PRELID2: variants seen among roughly 807,000 people sequenced by gnomAD.
PRELID2 encodes PRELI domain containing 2.
PRELID2 carries 25 observed loss-of-function variants against 28.4 expected under a neutral mutation model. The observed-to-expected ratio is 0.88, with a 90% CI of 0.64 to 1.23. The LOEUF (loss-of-function observed/expected upper bound fraction) is 1.23, where lower values mean the gene tolerates loss of function less well. Among genes scored for constraint, PRELID2 ranks in the 50% most tolerant of loss-of-function variants. PRELID2 has a pLI of 0.00. For synonymous variants in PRELID2, 76 were observed against 71.6 expected (o/e 1.06, Z -0.31); for missense variants, 201 against 214.4 (o/e 0.94, Z 0.39).
At chr5:145,286,252 G>A in the PRELID2 span, among the ~76,000 whole-genome samples, 5 of 152,070 alleles carry the variant, frequency 3.3e-5, no homozygotes, top group African/African-American at 1.2e-4. Flanking sequence ...GTTAGGAAAG[G>A]GTGGAACTGG....
chr5:145,519,235 A>T (rs761981413), intron 1 of PRELID2, among the ~76,000 whole-genome samples: 3 of 152,204 alleles, frequency 2.0e-5, no homozygotes, highest in Non-Finnish European at 4.4e-5. Context: ...ACTTGTCCTT[A>T]TAAATAAATT....
At chr5:145,293,314 C>T in the PRELID2 span, among the ~76,000 whole-genome samples, 5 of 152,236 alleles carry the variant, frequency 3.3e-5, no homozygotes, top group East Asian at 1.9e-4. Flanking sequence ...CAAATTATCT[C>T]ATAACAATAA....
chr5:145,592,679 T>C (rs1753249055), intron 1 of PRELID2, among the ~76,000 whole-genome samples: 1 of 152,156 alleles, frequency 6.6e-6, no homozygotes, highest in South Asian at 2.1e-4. Flanking sequence ...ACAAAGTAAA[T>C]AGAGCTGAGA....
At chr5:145,530,173 G>C (rs897144247) in intron 1 of PRELID2, among the ~76,000 whole-genome samples, 1 of 152,092 alleles carries the variant, frequency 6.6e-6, no homozygotes, top group East Asian at 1.9e-4. Context: ...CTGACTCCTA[G>C]TCCAATGCCC....
chr5:145,717,680 A>T (rs1004836360), intron 1 of PRELID2, among the ~76,000 whole-genome samples: 8 of 150,928 alleles, frequency 5.3e-5, no homozygotes, highest in Non-Finnish European at 1.2e-4. Context: ...AATTAGATTT[A>T]AAATAATTAT....
chr5:145,562,981 A>T (rs1212970131), intron 1 of PRELID2, among the ~76,000 whole-genome samples: 1 of 152,218 alleles, frequency 6.6e-6, no homozygotes, highest in Non-Finnish European at 1.5e-5. Context: ...GCATTCATGG[A>T]TATTTCCCGT....
chr5:145,678,748 T>C (rs1248737334), intron 1 of PRELID2, among the ~76,000 whole-genome samples: 1 of 152,168 alleles, frequency 6.6e-6, no homozygotes, highest in Admixed American at 6.5e-5. Flanking sequence ...CGAGCCTTAA[T>C]GTCCTATCTG....
At chr5:145,442,729 C>A in the PRELID2 span, among the ~76,000 whole-genome samples, 1 of 151,978 alleles carries the variant, frequency 6.6e-6, no homozygotes, top group African/African-American at 2.4e-5. Context: ...TAAGAATTTA[C>A]AATATAGCGT....
Position 145,561,214 on chromosome 5 carries a change from T to A in PRELID2, n.71-87899A>T, listed in dbSNP as rs569081232. ...CTACTTAGTATTTTGACTCATAATT[T>A]CCAGAGAAAATTCTTTGAATGCAAA... is the stretch of plus-strand genomic sequence containing the variant. On this transcript the variant is annotated intron_variant and non_coding_transcript_variant, in intron 1 of 2. Coordinates refer to the PRELID2 transcript ENST00000510259. Among the ~76,000 whole-genome samples, 4 of 152,296 alleles carry A rather than the reference T, an allele frequency of 2.6e-5. No homozygotes were observed. In the South Asian group the frequency reaches 8.3e-4, roughly 32 times the overall value.
At chr5:145,795,928 T>C (rs1300825137) in intron 5 of PRELID2, 1 of 152,280 alleles carries the variant, frequency 6.6e-6, no homozygotes, top group Non-Finnish European at 1.5e-5. Flanking sequence ...CATGGAAGCC[T>C]AAGCTCCCTT....
intron 1 of PRELID2, among the ~76,000 whole-genome samples, chr5:145,523,415 A>G (rs1372108582): frequency 2.0e-5 from 3 of 152,232 alleles, no homozygotes; most frequent in Non-Finnish European, 4.4e-5. Flanking sequence ...TCATTTTAAA[A>G]AGGAAGGGGA....
chr5:145,383,681 G>C, the PRELID2 span, among the ~76,000 whole-genome samples: 1 of 148,388 alleles, frequency 6.7e-6, no homozygotes, highest in Non-Finnish European at 1.5e-5. Flanking sequence ...ATTTTAGGTG[G>C]ATTGTAGACC....
intron 1 of PRELID2, among the ~76,000 whole-genome samples, chr5:145,740,670 T>C (rs1452338434): frequency 2.3e-4 from 16 of 69,074 alleles, no homozygotes; most frequent in Admixed American, 2.0e-3. Flanking sequence ...ATAAAATAAA[T>C]ATATATTTTA....
intron 1 of PRELID2, among the ~76,000 whole-genome samples, chr5:145,677,214 G>C (rs1182413651): frequency 6.8e-6 from 1 of 147,822 alleles, no homozygotes; most frequent in East Asian, 2.0e-4. Flanking sequence ...GAGTGCAGTG[G>C]TGCAATCTTG....
intron 1 of PRELID2, among the ~76,000 whole-genome samples, chr5:145,562,382 G>A (rs182350380): frequency 9.2e-5 from 14 of 152,184 alleles, no homozygotes; most frequent in East Asian, 7.7e-4. Context: ...AATTTATGGC[G>A]TAAACATCAA....
the PRELID2 span, chr5:145,441,142 G>T: frequency 6.6e-6 from 1 of 152,022 alleles, no homozygotes; most frequent in African/African-American, 2.4e-5. Context: ...TGAACATGAC[G>T]CCTAGTTGTT....
chr5:145,831,554 G>T (rs2149891950), intron 1 of PRELID2, among the ~76,000 whole-genome samples: 1 of 152,224 alleles, frequency 6.6e-6, no homozygotes, highest in Admixed American at 6.5e-5. Context: ...TAACATAAGG[G>T]GAAAATTCAC....
chr5:145,398,776 A>T, the PRELID2 span, among the ~76,000 whole-genome samples: 1 of 152,090 alleles, frequency 6.6e-6, no homozygotes, highest in Non-Finnish European at 1.5e-5. Context: ...CGAAACCAAG[A>T]AGAAAACAAA....
the PRELID2 span, among the ~76,000 whole-genome samples, chr5:145,301,814 C>A: frequency 1.3e-5 from 2 of 151,990 alleles, no homozygotes; most frequent in African/African-American, 2.4e-5. Context: ...TCTAGTCTCT[C>A]AATTCTAGCC....
Sources: allele counts gnomAD v4.1 joint callset (sites outside exome capture counted in the v4.1 genomes callset), GRCh38; gene constraint gnomAD v4.1.1; transcripts MANE v1.5; gene names NCBI Gene and HGNC (gene_info 2026-07-23, HGNC 2026-07-21).